GRID2: variants seen among roughly 807,000 people sequenced by gnomAD.
GRID2 encodes the protein glutamate receptor ionotropic, delta-2.
A neutral mutation model predicts 114.8 loss-of-function variants in GRID2; 33 were observed. The ratio of observed to expected loss-of-function variants is 0.29; its 90% CI spans 0.22 to 0.38. The LOEUF (loss-of-function observed/expected upper bound fraction) is 0.38. GRID2 is among the 10% of genes least tolerant of loss of function. GRID2 has a pLI of 1.00. For missense variants in GRID2, 1,184 were observed against 1,257.7 expected, an observed-to-expected ratio of 0.94 and a Z score of 0.89; for synonymous variants, 505 against 449.9, an observed-to-expected ratio of 1.12 and a Z score of -1.55.
At chr4:93,487,708 A>G (rs17333802) in intron 11 of GRID2, among the ~76,000 whole-genome samples, 1,557 of 152,020 alleles carry the variant, frequency 0.01, 14 homozygotes, top group Non-Finnish European at 0.012. Flanking sequence ...CCTCAGGGAA[A>G]ACCATTTCCA....
intron 1 of GRID2, among the ~76,000 whole-genome samples, chr4:92,565,142 C>T (rs1727277218): frequency 6.6e-6 from 1 of 151,922 alleles, no homozygotes; most frequent in Admixed American, 6.6e-5. Context: ...CTAATTTTAT[C>T]TTTAAATGCT....
At chr4:92,313,171 A>T (rs1295685559) in intron 1 of GRID2, among the ~76,000 whole-genome samples, 2 of 151,978 alleles carry the variant, frequency 1.3e-5, no homozygotes, top group East Asian at 3.9e-4. Flanking sequence ...AATTAACAGC[A>T]TTTGCAATGA....
At chr4:92,614,245 C>T (rs902381027) in intron 2 of GRID2, among the ~76,000 whole-genome samples, 3 of 151,458 alleles carry the variant, frequency 2.0e-5, no homozygotes, top group African/African-American at 7.3e-5. Flanking sequence ...TCCATGAGAC[C>T]AGTTTTCTTT....
chr4:92,741,793 C>G (rs910371160), intron 2 of GRID2, among the ~76,000 whole-genome samples: 1 of 152,110 alleles, frequency 6.6e-6, no homozygotes, highest in African/African-American at 2.4e-5. Flanking sequence ...TTTAAAGATT[C>G]ATTATAAGCA....
chr4:93,599,501 T>C (rs1022926344), intron 13 of GRID2, among the ~76,000 whole-genome samples: 2 of 152,220 alleles, frequency 1.3e-5, no homozygotes, highest in East Asian at 3.8e-4. Context: ...AATTTTCTCC[T>C]AAGTAAATTT....
At chr4:93,041,186 A>T (rs1163612954) in intron 2 of GRID2, among the ~76,000 whole-genome samples, 3 of 152,296 alleles carry the variant, frequency 2.0e-5, no homozygotes, top group South Asian at 4.1e-4. Context: ...AGCAAATCTG[A>T]TTTTGTTTGC....
intron 13 of GRID2, among the ~76,000 whole-genome samples, chr4:93,585,996 A>G (rs1342077881): frequency 6.6e-6 from 1 of 151,996 alleles, no homozygotes; most frequent in Non-Finnish European, 1.5e-5. Context: ...TTTTACATAA[A>G]CCCATGAGTT....
intron 2 of GRID2, among the ~76,000 whole-genome samples, chr4:93,078,714 A>C (rs2149314695): frequency 6.8e-6 from 1 of 146,488 alleles, no homozygotes; most frequent in East Asian, 2.0e-4. Context: ...TATACTGTAT[A>C]TACTAAATAT....
intron 2 of GRID2, among the ~76,000 whole-genome samples, chr4:92,994,077 G>A (rs1755061321): frequency 6.6e-6 from 1 of 152,130 alleles, no homozygotes. Flanking sequence ...GGTTGCAGGT[G>A]TTTGAAGATA....
chr4:92,308,298 C>T (rs1725517939), intron 1 of GRID2, among the ~76,000 whole-genome samples: 1 of 152,152 alleles, frequency 6.6e-6, no homozygotes, highest in Non-Finnish European at 1.5e-5. Context: ...TTCCTGTGCT[C>T]ACAGAACTGA....
intron 2 of GRID2, among the ~76,000 whole-genome samples, chr4:92,905,851 CTG>C (rs1309173783): frequency 4.7e-5 from 7 of 149,312 alleles, no homozygotes; most frequent in Non-Finnish European, 8.9e-5. Flanking sequence ...TTAAGGTAAA[CTG>C]TGAGCAAGAC....
chr4:93,224,119 T>C (rs1486397882), intron 6 of GRID2, among the ~76,000 whole-genome samples: 1 of 152,172 alleles, frequency 6.6e-6, no homozygotes, highest in Non-Finnish European at 1.5e-5. Context: ...AATCTCCATA[T>C]ACACAAAAAT....
chr4:92,966,275 A>C (rs758690891), intron 2 of GRID2, among the ~76,000 whole-genome samples: 1 of 152,054 alleles, frequency 6.6e-6, no homozygotes, highest in East Asian at 1.9e-4. Context: ...TAGTTGCCTT[A>C]TAAGGTATAA....
At chr4:93,402,600 C>A (rs757475612) in intron 9 of GRID2, among the ~76,000 whole-genome samples, 5 of 151,586 alleles carry the variant, frequency 3.3e-5, no homozygotes, top group Non-Finnish European at 7.4e-5. Context: ...AGTTTTAGGC[C>A]CCGTCACTGT....
rs55823712 is a variant in GRID2 at position 93,335,694 on chromosome 4, C to CTTTTTTTTTT, written c.1246-59910_1246-59901dup. On this transcript the variant is annotated intron_variant, in intron 8 of 15. Coordinates refer to ENST00000282020, the MANE Select transcript of GRID2 (RefSeq NM_001510.4). ...TTCTCTCTCTCTTTCTTTCTTCTTT[C>CTTTTTTTTTT]TTTTTTTTTTTTGAGACAGGGTCTC... is the stretch of plus-strand genomic sequence containing the variant. 9.8e-4 allele frequency among the ~76,000 whole-genome samples: 139 copies of CTTTTTTTTTT among 141,716 alleles called. 13 individuals carry two copies. The highest frequency in any genetic ancestry group is 3.2e-3 in the African/African-American group (118 of 37,216). 93.0% of individuals were successfully genotyped at this position (141,716 alleles called of 152,430 possible).
At chr4:93,117,600 C>A (rs1325958703) in intron 4 of GRID2, among the ~76,000 whole-genome samples, 8 of 152,054 alleles carry the variant, frequency 5.3e-5, no homozygotes. Flanking sequence ...TGTTTTAGCT[C>A]CTCTATGACA....
intron 4 of GRID2, among the ~76,000 whole-genome samples, chr4:93,164,164 A>G (rs368957391): frequency 2.6e-5 from 4 of 152,128 alleles, no homozygotes; most frequent in African/African-American, 7.2e-5. Context: ...GGGGGGGAAA[A>G]AAAAGGTAAT....
At chr4:92,689,652 A>T (rs1320823720) in intron 2 of GRID2, among the ~76,000 whole-genome samples, 2 of 152,200 alleles carry the variant, frequency 1.3e-5, no homozygotes, top group African/African-American at 4.8e-5. Context: ...AAACAGTTTC[A>T]TTTCGAAACC....
intron 2 of GRID2, among the ~76,000 whole-genome samples, chr4:92,872,299 AGAC>A (rs1427252616): frequency 2.0e-5 from 3 of 152,194 alleles, no homozygotes; most frequent in African/African-American, 4.8e-5. Context: ...ATAACCAAGA[AGAC>A]ATATAAATGG....
Sources: gnomAD v4.1 joint callset for allele counts (sites outside exome capture counted in the v4.1 genomes callset) on GRCh38, gnomAD v4.1.1 for gene constraint, MANE v1.5 for transcripts, NCBI Gene and HGNC (gene_info 2026-07-23, HGNC 2026-07-21) for gene names.